FGF14: variants seen among roughly 807,000 people sequenced by gnomAD.
FGF14 encodes the protein fibroblast growth factor homologous factor 4.
A neutral mutation model predicts 25.5 loss-of-function variants in FGF14; 5 were observed. The observed-to-expected ratio is 0.20, with a 90% CI of 0.10 to 0.41. The LOEUF is 0.41. Among genes scored for constraint, FGF14 ranks in the 10% least tolerant of loss-of-function variants. The probability of loss-of-function intolerance (pLI) is 1.00; values close to 1 mark genes in which losing one functional copy is unlikely to be tolerated. For missense variants in FGF14, 222 were observed against 320.1 expected (o/e 0.69, Z 2.34); for synonymous variants, 138 against 118.3 (o/e 1.17, Z -1.08).
chr13:102,184,943 A>G (rs1282762973), intron 1 of FGF14, among the ~76,000 whole-genome samples: 1 of 152,204 alleles, frequency 6.6e-6, no homozygotes, highest in African/African-American at 2.4e-5. Context: ...AATATTAGGT[A>G]CATGCTTAAA....
chr13:101,815,029 G>T (rs2041772873), intron 3 of FGF14, among the ~76,000 whole-genome samples: 1 of 152,206 alleles, frequency 6.6e-6, no homozygotes. Flanking sequence ...AACAAGGTGG[G>T]TATCTATGCA....
chr13:102,180,086 T>C (rs2048604331), intron 1 of FGF14, among the ~76,000 whole-genome samples: 1 of 152,110 alleles, frequency 6.6e-6, no homozygotes, highest in Non-Finnish European at 1.5e-5. Context: ...TGGAAGTCAA[T>C]GGAGAGAAAG....
intron 1 of FGF14, among the ~76,000 whole-genome samples, chr13:102,347,996 T>C (rs1034376600): frequency 6.6e-6 from 1 of 151,402 alleles, no homozygotes. Flanking sequence ...CTAAGTAAGA[T>C]TTTCTGGGTA....
At chr13:102,014,772 C>T (rs1428196525) in intron 1 of FGF14, among the ~76,000 whole-genome samples, 1 of 151,946 alleles carries the variant, frequency 6.6e-6, no homozygotes, top group Non-Finnish European at 1.5e-5. Flanking sequence ...ATATGACAAA[C>T]TTATTTTTTT....
intron 1 of FGF14, among the ~76,000 whole-genome samples, chr13:102,269,734 G>C (rs1381175502): frequency 6.6e-6 from 1 of 152,042 alleles, no homozygotes; most frequent in Non-Finnish European, 1.5e-5. Flanking sequence ...GTCAGATGTG[G>C]TGGCACATAC....
At chr13:102,110,924 A>G (rs2045192723) in intron 1 of FGF14, among the ~76,000 whole-genome samples, 1 of 152,240 alleles carries the variant, frequency 6.6e-6, no homozygotes, top group Non-Finnish European at 1.5e-5. Flanking sequence ...ATAAACTGAC[A>G]AAGGTTCCCA....
chr13:101,973,514 C>T (rs140815278), intron 1 of FGF14, among the ~76,000 whole-genome samples: 112 of 152,134 alleles, frequency 7.4e-4, no homozygotes, highest in African/African-American at 1.9e-3. Flanking sequence ...TTAACTCACA[C>T]GATCACAAGG....
At chr13:101,928,570 C>T (rs1026581559) in intron 1 of FGF14, among the ~76,000 whole-genome samples, 4 of 152,114 alleles carry the variant, frequency 2.6e-5, no homozygotes, top group Non-Finnish European at 2.9e-5. Context: ...CAGAGTCCCA[C>T]TCTGTTGCCA....
intron 1 of FGF14, among the ~76,000 whole-genome samples, chr13:101,908,591 G>T (rs559096330): frequency 2.6e-4 from 40 of 152,174 alleles, no homozygotes; most frequent in African/African-American, 9.2e-4. Context: ...AAATAAAAGA[G>T]GATACAAACA....
intron 1 of FGF14, among the ~76,000 whole-genome samples, chr13:101,999,372 A>C (rs1333496163): frequency 2.6e-5 from 4 of 152,176 alleles, no homozygotes; most frequent in African/African-American, 9.7e-5. Flanking sequence ...GGTCGCCCAC[A>C]GCATCAGCTG....
intron 3 of FGF14, among the ~76,000 whole-genome samples, chr13:101,818,370 G>A (rs980856410): frequency 2.0e-5 from 3 of 152,176 alleles, no homozygotes; most frequent in South Asian, 4.1e-4. Context: ...CTTGGATGCT[G>A]CCAAAACAGG....
intron 1 of FGF14, among the ~76,000 whole-genome samples, chr13:102,388,342 G>A (rs898218031): frequency 2.6e-5 from 4 of 152,154 alleles, no homozygotes; most frequent in African/African-American, 9.7e-5. Context: ...ATAGAAAGAT[G>A]TATAATGTAT....
chr13:102,142,339 G>A (rs2046676988), intron 1 of FGF14, among the ~76,000 whole-genome samples: 1 of 151,776 alleles, frequency 6.6e-6, no homozygotes, highest in South Asian at 2.1e-4. Context: ...ACACAATACT[G>A]TGCTTGAGTC....
chr13:101,747,289 G>C (rs1019253752), intron 3 of FGF14, among the ~76,000 whole-genome samples: 22 of 151,948 alleles, frequency 1.4e-4, no homozygotes, highest in African/African-American at 5.3e-4. Flanking sequence ...ACAAGTATTA[G>C]GTACCCATTA....
intron 1 of FGF14, among the ~76,000 whole-genome samples, chr13:101,902,602 A>G (rs2031712582): frequency 6.6e-6 from 1 of 152,220 alleles, no homozygotes; most frequent in African/African-American, 2.4e-5. Context: ...GTGTAATACA[A>G]TCTAAATGAA....
In FGF14 at chr13:101,722,789, T is replaced by G; in HGVS notation, c.*42A>C. On this transcript the variant is annotated 3_prime_UTR_variant, in exon 5 of 5. Coordinates refer to ENST00000376143, the MANE Select transcript of FGF14 (RefSeq NM_004115.4). Reference sequence around the variant, plus strand: ...GTCTGGTGAGGATAAATCACTCAACTGTGCTCAGGACGAATAAGTCACAAC... The same window carrying G: ...GTCTGGTGAGGATAAATCACTCAACGGTGCTCAGGACGAATAAGTCACAAC... 6.2e-7 allele frequency: 1 copy of G among 1,612,554 alleles called. No homozygotes were observed. Among genetic ancestry groups the G allele is most frequent in the Middle Eastern group, 1.7e-4 (1 of 6,050 alleles).
intron 1 of FGF14, among the ~76,000 whole-genome samples, chr13:101,965,508 AC>A (rs2037136119): frequency 6.6e-6 from 1 of 152,180 alleles, no homozygotes; most frequent in Non-Finnish European, 1.5e-5. Flanking sequence ...AATTTTAATA[AC>A]TAAGGGATTA....
chr13:102,250,030 T>C (rs144462947), intron 1 of FGF14, among the ~76,000 whole-genome samples: 123 of 152,222 alleles, frequency 8.1e-4, no homozygotes, highest in African/African-American at 2.7e-3. Flanking sequence ...CCTGCCTATG[T>C]AAGAAGACCA....
At chr13:101,910,120 C>T (rs888253483) in intron 1 of FGF14, among the ~76,000 whole-genome samples, 1 of 151,952 alleles carries the variant, frequency 6.6e-6, no homozygotes, top group Non-Finnish European at 1.5e-5. Context: ...GGAGGGATAG[C>T]ATTAGGAGAT....
Sources: allele counts gnomAD v4.1 joint callset (sites outside exome capture counted in the v4.1 genomes callset), GRCh38; gene constraint gnomAD v4.1.1; transcripts MANE v1.5; gene names NCBI Gene and HGNC (gene_info 2026-07-23, HGNC 2026-07-21).